Variants in AKAP8 observed in about 807,000 individuals in gnomAD.
The protein encoded by AKAP8 is A-kinase anchoring protein 8.
A neutral mutation model predicts 67.5 loss-of-function variants in AKAP8; 24 were observed. The ratio of observed to expected loss-of-function variants is 0.36; its 90% CI spans 0.26 to 0.50. AKAP8 has a LOEUF of 0.50. Among genes scored for constraint, AKAP8 ranks in the 20% least tolerant of loss-of-function variants. The pLI, the probability that AKAP8 is intolerant of heterozygous loss-of-function variation, is 0.97. For synonymous variants in AKAP8, 400 were observed against 371.1 expected (o/e 1.08, Z -0.90); for missense variants, 971 against 955.9 (o/e 1.02, Z -0.21).
intron 9 of AKAP8, among the ~76,000 whole-genome samples, chr19:15,363,202 C>T (rs1468308608): frequency 4.0e-5 from 6 of 151,792 alleles, no homozygotes; most frequent in Non-Finnish European, 7.4e-5. Flanking sequence ...CTCCGCCCGG[C>T]AGCCACCTTG....
chr19:15,366,627 G>C (rs544300749), intron 9 of AKAP8, among the ~76,000 whole-genome samples: 1 of 151,812 alleles, frequency 6.6e-6, no homozygotes, highest in South Asian at 2.1e-4. Flanking sequence ...GTTTTTATTT[G>C]AGATAGAGTT....
intron 8 of AKAP8, 76 bp from the exon 9 acceptor site, chr19:15,368,398 C>T (rs913837055): frequency 9.3e-6 from 15 of 1,604,826 alleles, no homozygotes; most frequent in Non-Finnish European, 1.3e-5. Context: ...GGTCGGGGGG[C>T]TGCAGCTTGG....
chr19:15,370,719 C>T (rs1967141664), intron 7 of AKAP8, among the ~76,000 whole-genome samples: 3 of 134,660 alleles, frequency 2.2e-5, no homozygotes, highest in African/African-American at 8.4e-5. Context: ...GCAACCTCTG[C>T]TTCCTGGGTT....
At chr19:15,377,084 C>T in intron 1 of AKAP8, 70 bp from the exon 2 acceptor site, 1 of 1,529,614 alleles carries the variant, frequency 6.5e-7, no homozygotes, top group Non-Finnish European at 8.9e-7. Context: ...GGGGGTACTC[C>T]TAAAGGGATC....
At chr19:15,371,909 G>C (rs76108424) in intron 7 of AKAP8, 43 bp downstream of exon 7, 1 of 1,606,724 alleles carries the variant, frequency 6.2e-7, no homozygotes, top group African/African-American at 1.3e-5. Context: ...AAAGAAAGAA[G>C]AAATCCCACA....
Position 15,353,858 on chromosome 19 carries a change from C to T in AKAP8, c.*1057G>A, listed in dbSNP as rs928548149. The T allele has an allele frequency of 1.3e-5, 2 of 151,956 alleles. No individual in the cohort carries two copies. Among genetic ancestry groups the T allele is most frequent in the African/African-American group, 4.8e-5 (2 of 41,354 alleles). 9.4% of individuals were successfully genotyped at this position (151,956 alleles called of 1,614,324 possible). ...CGTGCTAACCTTGAACACATGCTAG[C>T]CTCCCTTTCTCAGATTTGGAAAGAT... On this transcript the variant is annotated 3_prime_UTR_variant, in exon 14 of 14. Coordinates refer to ENST00000269701, the MANE Select transcript of AKAP8 (RefSeq NM_005858.4).
In AKAP8 at chr19:15,355,148, C is replaced by T. The variant is rs200385214; in HGVS notation, c.1846G>A (p.Gly616Ser). 83 of 1,613,044 alleles carry T rather than the reference C, an allele frequency of 5.1e-5. No individual in the cohort carries two copies. In the Admixed American group the frequency reaches 6.0e-4, roughly 12 times the overall value. Residue 616 changes from glycine (G) to serine (S), a missense_variant, in exon 14 of 14, where the codon GGT becomes AGT. Coordinates refer to ENST00000269701, the MANE Select transcript of AKAP8 (RefSeq NM_005858.4). ...AGCTGTTCGGCTTGAGGATCACTAC[C>T]GGCCTCCGCTGTGTCCGTGGGGCCT... is the stretch of plus-strand genomic sequence containing the variant. Reference protein sequence around the residue: ...DEGPTDTAEAGSDPQAEQLLE... With the variant: ...DEGPTDTAEASSDPQAEQLLE...
intron 13 of AKAP8, among the ~76,000 whole-genome samples, chr19:15,358,606 G>A (rs1450571199): frequency 1.3e-5 from 2 of 152,004 alleles, no homozygotes; most frequent in Non-Finnish European, 2.9e-5. Context: ...TCAAATTCCT[G>A]GGCTCAAGCA....
chr19:15,376,978 T>C lies in AKAP8; in HGVS notation c.56A>G (p.Gln19Arg). 6.2e-7 allele frequency: 1 copy of C among 1,612,812 alleles called. No homozygotes were observed. Among genetic ancestry groups the C allele is most frequent in the Non-Finnish European group, 8.5e-7 (1 of 1,179,496 alleles). ...GAWSAGPANT[Q>R]GAYGTGVASW... ...CCCGCAAAGCAGAGCCCACTTACCC[T>C]GGGTGTTGGCAGGTCCAGCACTCCA... Residue 19 changes from glutamine (Q) to arginine (R), a missense_variant and splice_region_variant, in exon 2 of 14, where the codon CAG (glutamine) becomes CGG (arginine). Coordinates refer to ENST00000269701, the MANE Select transcript of AKAP8 (RefSeq NM_005858.4).
Position 15,373,182 on chromosome 19 carries a change from G to C in AKAP8, c.530C>G (p.Ala177Gly). 1 of 1,613,686 alleles carries C rather than the reference G, an allele frequency of 6.2e-7. No homozygotes were observed. Among genetic ancestry groups the C allele is most frequent in the Non-Finnish European group, 8.5e-7 (1 of 1,180,008 alleles). ...GGQYSECRDP[A>G]RERGSLDGFM... ...GCCATCAAGGGAGCCCCGCTCCCGG[G>C]CTGGGTCTCGGCATTCACTGTACTG... Residue 177 changes from alanine (A) to glycine (G), a missense_variant, in exon 5 of 14, where the codon GCC becomes GGC. Physicochemically the swap from Ala to Gly is moderately conservative, Grantham distance 60. Coordinates refer to ENST00000269701, the MANE Select transcript of AKAP8 (RefSeq NM_005858.4).
At chr19:15,363,356 G>GT (rs1335518783) in intron 9 of AKAP8, among the ~76,000 whole-genome samples, 4 of 141,920 alleles carry the variant, frequency 2.8e-5, no homozygotes, top group African/African-American at 7.9e-5. Flanking sequence ...AGGGAGGTGG[G>GT]GGGGGGTCAG....
In AKAP8 at chr19:15,372,965, G is replaced by C; in HGVS notation, c.747C>G (p.Ser249=). Reference sequence around the variant, plus strand: ...CGCCGTAGTCGGGAGCCATGGACTGGGAGAAGAGGGACGGAGGTGGCCGGC... The same window carrying C: ...CGCCGTAGTCGGGAGCCATGGACTGCGAGAAGAGGGACGGAGGTGGCCGGC... ...SPSRPPPSLF[S]QSMAPDYGVM... Residue 249 remains serine, a synonymous_variant, in exon 5 of 14, where the codon TCC becomes TCG. Transcript: ENST00000269701. The C allele has an allele frequency of 6.4e-7, 1 of 1,560,102 alleles. No individual in the cohort carries two copies. The highest frequency in any genetic ancestry group is 8.7e-7 in the Non-Finnish European group (1 of 1,153,220).
Position 15,358,953 on chromosome 19 carries a change from T to C in AKAP8, c.1623+14A>G. ...TGAAAGCTTTTCCTGTCTGTGGTAC[T>C]TGCAAGCACAAACCTTGAGGTATTT... On this transcript the variant is annotated intron_variant, in intron 13 of 13. Transcript: ENST00000269701. The C allele has an allele frequency of 1.2e-6, 2 of 1,612,580 alleles. No individual in the cohort carries two copies. The highest frequency in any genetic ancestry group is 2.2e-5 in the South Asian group (2 of 91,056).
rs1966977428 is a variant in AKAP8, at chr19:15,362,162, G to A, written c.1250C>T (p.Thr417Ile). The A allele has an allele frequency of 1.9e-6, 3 of 1,614,008 alleles. No homozygotes were observed. The highest frequency in any genetic ancestry group is 2.2e-5 in the East Asian group (1 of 44,890). The change falls in exon 10 of 14, where the codon ACC becomes ATC. Residue 417 changes from threonine (T) to isoleucine (I), a missense_variant. Around this residue, in one of 3 missense-constraint regions of AKAP8, gnomAD observed 763 missense variants for 745.4 expected, o/e 1.02. Transcript: ENST00000269701. ...KHLQSKFHKETLRFISTKLPD... is the reference protein window; with the variant it reads ...KHLQSKFHKEILRFISTKLPD... ...CAGCTTGGTGCTTATGAACCGCAGG[G>A]TCTCTTTGTGAAATTTGCTTTGCAG...
intron 9 of AKAP8, among the ~76,000 whole-genome samples, chr19:15,365,130 G>C (rs980807891): frequency 4.6e-5 from 7 of 152,198 alleles, no homozygotes; most frequent in Non-Finnish European, 5.9e-5. Flanking sequence ...AACTGGGGAC[G>C]CCCTAGGCTC....
At position 15,362,097 on chromosome 19, in the gene AKAP8, A is replaced by AG. The variant is rs771612050; in HGVS notation, c.1302+12dup. On this transcript the variant is annotated intron_variant, in intron 10 of 13. Transcript: ENST00000269701. The stretch of plus-strand genomic sequence containing the variant: ...GGCAAGAGACGCGGTGACGGGGCCC[A>AG]GGTTTCCTTTACCTGGAGGAACTCC... The AG allele has an allele frequency of 6.2e-7, 1 of 1,613,312 alleles. No homozygotes were observed. The highest frequency in any genetic ancestry group is 2.2e-5 in the East Asian group (1 of 44,872).
intron 13 of AKAP8, among the ~76,000 whole-genome samples, chr19:15,357,957 A>AC (rs1966906655): frequency 6.6e-6 from 1 of 152,244 alleles, no homozygotes; most frequent in South Asian, 2.1e-4. Context: ...TACTGGGATT[A>AC]CAGGTGTGAG....
At chr19:15,365,613 G>A (rs1240289450) in intron 9 of AKAP8, among the ~76,000 whole-genome samples, 1 of 152,168 alleles carries the variant, frequency 6.6e-6, no homozygotes, top group Non-Finnish European at 1.5e-5. Flanking sequence ...ACGTAGGCGG[G>A]GAGGGGACAA....
At chr19:15,374,942 G>A (rs1040817698) in intron 2 of AKAP8, among the ~76,000 whole-genome samples, 2 of 152,228 alleles carry the variant, frequency 1.3e-5, no homozygotes, top group African/African-American at 4.8e-5. Context: ...GGCCAGGCCA[G>A]GCCCCAGGCA....
Sources: gnomAD v4.1 joint callset for allele counts (sites outside exome capture counted in the v4.1 genomes callset) on GRCh38, gnomAD v4.1.1 for gene constraint, gnomAD v4.1.1 regional missense constraint, MANE v1.5 for transcripts, NCBI Gene and HGNC (gene_info 2026-07-23, HGNC 2026-07-21) for gene names.